Variants in CDH4 observed in about 807,000 individuals in gnomAD.
CDH4 encodes the protein cadherin-4.
A neutral mutation model predicts 86.0 loss-of-function variants in CDH4; 33 were observed. The ratio of observed to expected loss-of-function variants is 0.38; its 90% CI spans 0.29 to 0.51. The LOEUF is 0.51. Among genes scored for constraint, CDH4 ranks in the 20% least tolerant of loss-of-function variants. CDH4 has a pLI of 0.86. For missense variants in CDH4, 1,114 were observed against 1,307.4 expected, an observed-to-expected ratio of 0.85 and a Z score of 2.28; for synonymous variants, 555 against 549.4, an observed-to-expected ratio of 1.01 and a Z score of -0.14.
At chr20:61,564,813 C>T (rs62199239) in intron 2 of CDH4, among the ~76,000 whole-genome samples, 51,037 of 151,748 alleles carry the variant, frequency 0.34, 9,114 homozygotes, top group East Asian at 0.46. Flanking sequence ...AGCCCTCCCT[C>T]AGGGATTCAA....
chr20:61,469,513 C>G (rs1001093037), intron 2 of CDH4, among the ~76,000 whole-genome samples: 1 of 152,158 alleles, frequency 6.6e-6, no homozygotes, highest in African/African-American at 2.4e-5. Flanking sequence ...TGTGGGTTGT[C>G]TGTTCACTTT....
chr20:61,821,717 A>G (rs898651276), intron 4 of CDH4, among the ~76,000 whole-genome samples: 8 of 152,262 alleles, frequency 5.3e-5, no homozygotes, highest in Admixed American at 5.2e-4. Flanking sequence ...TTGGATCTAC[A>G]GGAAGGTTTT....
chr20:61,933,498 G>A (rs2055139611), intron 14 of CDH4, among the ~76,000 whole-genome samples: 3 of 152,240 alleles, frequency 2.0e-5, no homozygotes, highest in Non-Finnish European at 4.4e-5. Flanking sequence ...AGGCGCCCGG[G>A]AGGGTAGACT....
intron 2 of CDH4, chr20:61,719,468 C>A: frequency 4.4e-6 from 1 of 225,698 alleles, no homozygotes; most frequent in Non-Finnish European, 9.6e-6. Flanking sequence ...ATTTCACTAA[C>A]TACATTAACC....
intron 2 of CDH4, among the ~76,000 whole-genome samples, chr20:61,284,862 T>A (rs1252326651): frequency 6.6e-6 from 1 of 152,196 alleles, no homozygotes; most frequent in African/African-American, 2.4e-5. Context: ...CCCACTCACC[T>A]CTGTGACGTA....
At chr20:61,915,090 G>A (rs1303085345) in intron 9 of CDH4, among the ~76,000 whole-genome samples, 1 of 152,200 alleles carries the variant, frequency 6.6e-6, no homozygotes, top group Non-Finnish European at 1.5e-5. Flanking sequence ...CCAAGGAGGT[G>A]CTATTCTTGT....
At chr20:61,416,662 G>A (rs770902913) in intron 2 of CDH4, among the ~76,000 whole-genome samples, 31 of 152,064 alleles carry the variant, frequency 2.0e-4, no homozygotes, top group Admixed American at 7.9e-4. Context: ...TTTTGAAATC[G>A]GTGTGCATTA....
intron 2 of CDH4, among the ~76,000 whole-genome samples, chr20:61,630,926 A>G (rs936891510): frequency 2.0e-5 from 3 of 152,212 alleles, no homozygotes; most frequent in African/African-American, 7.2e-5. Context: ...TGAAACCCAC[A>G]GTTACTGACA....
chr20:61,411,779 C>A (rs572870710), intron 2 of CDH4, among the ~76,000 whole-genome samples: 7 of 152,316 alleles, frequency 4.6e-5, no homozygotes, highest in African/African-American at 1.7e-4. Context: ...TATGTCAGCA[C>A]TGTGGGCCGA....
At chr20:61,339,993 G>A (rs1242054000) in intron 2 of CDH4, among the ~76,000 whole-genome samples, 1 of 152,158 alleles carries the variant, frequency 6.6e-6, no homozygotes, top group Non-Finnish European at 1.5e-5. Flanking sequence ...AATAAAAAGG[G>A]TATTACTGAG....
chr20:61,794,200 CAGG>C (rs1367703118), intron 4 of CDH4, among the ~76,000 whole-genome samples: 1 of 151,264 alleles, frequency 6.6e-6, no homozygotes, highest in Non-Finnish European at 1.5e-5. Flanking sequence ...CCTGGCAGCT[CAGG>C]AGGTGTTTAA....
chr20:61,420,534 G>A (rs2085171591), intron 2 of CDH4, among the ~76,000 whole-genome samples: 1 of 152,250 alleles, frequency 6.6e-6, no homozygotes, highest in Non-Finnish European at 1.5e-5. Context: ...AGCCATTCTG[G>A]GAAACCATGT....
chr20:61,634,610 G>C (rs2427210), intron 2 of CDH4, among the ~76,000 whole-genome samples: 86,638 of 152,124 alleles, frequency 0.57, 24,842 homozygotes, highest in East Asian at 0.72. Context: ...GTGGCACCCA[G>C]CACTCCTGGG....
At chr20:61,378,858 C>T (rs2084885305) in intron 2 of CDH4, among the ~76,000 whole-genome samples, 1 of 152,110 alleles carries the variant, frequency 6.6e-6, no homozygotes, top group Admixed American at 6.5e-5. Flanking sequence ...ACTTGATGTC[C>T]CAAAGGTAGC....
chr20:61,896,882 C>T (rs1985152075), intron 8 of CDH4, among the ~76,000 whole-genome samples: 1 of 152,170 alleles, frequency 6.6e-6, no homozygotes, highest in Admixed American at 6.5e-5. Context: ...GCTGTCCTTC[C>T]TCCCTGACTC....
chr20:61,295,985 C>A (rs1394313814), intron 2 of CDH4, among the ~76,000 whole-genome samples: 1 of 152,072 alleles, frequency 6.6e-6, no homozygotes, highest in Non-Finnish European at 1.5e-5. Context: ...GGAGGGTCTA[C>A]CCCCGCTGCA....
intron 2 of CDH4, among the ~76,000 whole-genome samples, chr20:61,404,227 A>T (rs1231202773): frequency 6.6e-6 from 1 of 152,078 alleles, no homozygotes; most frequent in Non-Finnish European, 1.5e-5. Context: ...CTTGCTAAGG[A>T]CAAGATGCTT....
chr20:61,610,828 G>A (rs2086679717), intron 2 of CDH4, among the ~76,000 whole-genome samples: 1 of 152,186 alleles, frequency 6.6e-6, no homozygotes, highest in South Asian at 2.1e-4. Flanking sequence ...GACCCCTGCA[G>A]CCATCTCAGC....
intron 14 of CDH4, 56 bp from the exon 15 acceptor site, chr20:61,934,000 A>G: frequency 6.3e-7 from 1 of 1,590,822 alleles, no homozygotes; most frequent in Non-Finnish European, 8.6e-7. Context: ...GCAGGGTGGA[A>G]GGGGGGCTGG....
Sources: gnomAD v4.1 joint callset for allele counts (sites outside exome capture counted in the v4.1 genomes callset) on GRCh38, gnomAD v4.1.1 for gene constraint, MANE v1.5 for transcripts, NCBI Gene and HGNC (gene_info 2026-07-23, HGNC 2026-07-21) for gene names.